EED: variants seen among roughly 807,000 people sequenced by gnomAD.
EED encodes polycomb protein EED.
A neutral mutation model predicts 61.0 loss-of-function variants in EED; 9 were observed. The ratio of observed to expected loss-of-function variants is 0.15; its 90% CI spans 0.09 to 0.26. The LOEUF (loss-of-function observed/expected upper bound fraction) is 0.26, where lower values mean the gene tolerates loss of function less well. Ranked by LOEUF, EED falls within the 10% of genes least tolerant of loss-of-function variation. The probability of loss-of-function intolerance (pLI) is 1.00; values close to 1 mark genes in which losing one functional copy is unlikely to be tolerated. For synonymous variants in EED, 187 were observed against 174.4 expected, an observed-to-expected ratio of 1.07 and a Z score of -0.57; for missense variants, 315 against 542.3, an observed-to-expected ratio of 0.58 and a Z score of 4.16.
At position 86,278,328 on chromosome 11, in the gene EED, T is replaced by C. The variant is rs758622031; in HGVS notation, c.1200-71T>C. 1.6e-5 allele frequency: 25 copies of C among 1,536,806 alleles called. No individual in the cohort carries two copies. The South Asian group carries it at 3.2e-4, about 19-fold the overall frequency. On this transcript the variant is annotated intron_variant, in intron 11 of 11. Transcript: ENST00000263360. Reference sequence around the variant, plus strand: ...CTTGGAACATCTGCTTATTTTCTAATCCGCTGTTTTAGGGTAGACACTGAC... The same window carrying C: ...CTTGGAACATCTGCTTATTTTCTAACCCGCTGTTTTAGGGTAGACACTGAC...
chr11:86,266,245 G>T, intron 8 of EED, 29 bp downstream of exon 8: 2 of 1,550,668 alleles, frequency 1.3e-6, no homozygotes, highest in Non-Finnish European at 1.8e-6. Context: ...GAAACAATTT[G>T]CTATGTTGTG....
At chr11:86,268,757 A>G (rs1025281133) in intron 9 of EED, among the ~76,000 whole-genome samples, 196 bp downstream of exon 9, 2 of 152,158 alleles carry the variant, frequency 1.3e-5, no homozygotes, top group Non-Finnish European at 2.9e-5. Context: ...TAAGAATAAA[A>G]CATGCCATTG....
Position 86,268,483 on chromosome 11 carries a change from T to A in EED, c.888T>A (p.Phe296Leu), listed in dbSNP as rs770152825. 1 of 1,604,096 alleles carries A rather than the reference T, an allele frequency of 6.2e-7. No individual in the cohort carries two copies. Among genetic ancestry groups the A allele is most frequent in the Admixed American group, 1.7e-5 (1 of 58,530 alleles). Residue 296 changes from phenylalanine (F) to leucine (L), a missense_variant, in exon 9 of 12, where the codon TTT becomes TTA. Phe to Leu is a conservative substitution (Grantham distance 22). Coordinates refer to ENST00000263360, the MANE Select transcript of EED (RefSeq NM_003797.5). ...NRPFISQKIHFPDFSTRDIHR... is the reference protein window; with the variant it reads ...NRPFISQKIHLPDFSTRDIHR... ...CATTTATTTCTCAGAAAATCCATTT[T>A]CCTGATTTTTCTACCAGAGACATAC...
chr11:86,276,208 T>C (rs1946225429), intron 9 of EED: 1 of 152,226 alleles, frequency 6.6e-6, no homozygotes. Flanking sequence ...ACCTAGACAG[T>C]AATATGAATA....
downstream of EED, among the ~76,000 whole-genome samples, chr11:86,283,397 G>A (rs1946345178): frequency 6.6e-6 from 1 of 152,006 alleles, no homozygotes; most frequent in African/African-American, 2.4e-5. Context: ...TCCTTGTTTT[G>A]TTACTCTCCA....
intron 3 of EED, among the ~76,000 whole-genome samples, chr11:86,252,594 A>AT (rs900721772): frequency 3.4e-5 from 5 of 149,252 alleles, no homozygotes; most frequent in African/African-American, 1.2e-4. Flanking sequence ...ACTGGCTGTG[A>AT]TTTTTTTAAA....
intron 1 of EED, among the ~76,000 whole-genome samples, chr11:86,249,590 C>T (rs1168281315): frequency 1.3e-5 from 2 of 152,106 alleles, no homozygotes; most frequent in African/African-American, 4.8e-5. Context: ...TCAAGGTTTC[C>T]TGCAGTCATT....
chr11:86,263,035 T>A (rs949062409), intron 6 of EED, among the ~76,000 whole-genome samples: 2 of 152,182 alleles, frequency 1.3e-5, no homozygotes, highest in Non-Finnish European at 2.9e-5. Flanking sequence ...CTTGAATTCC[T>A]GGCCTCAAGT....
intron 4 of EED, among the ~76,000 whole-genome samples, chr11:86,255,950 T>C (rs562186120): frequency 2.6e-5 from 4 of 152,328 alleles, no homozygotes; most frequent in African/African-American, 7.2e-5. Context: ...TGTTGTTGTA[T>C]TGAGACTGTC....
At chr11:86,257,794 C>T (rs564471045) in intron 6 of EED, among the ~76,000 whole-genome samples, 198 bp downstream of exon 6, 5 of 152,336 alleles carry the variant, frequency 3.3e-5, no homozygotes, top group African/African-American at 9.6e-5. Context: ...ACAGAAAATA[C>T]TGGCAGTAAG....
In EED at chr11:86,277,174, C is replaced by G. The variant is rs375837407; in HGVS notation, c.1125+36C>G. 2.0e-6 allele frequency: 3 copies of G among 1,513,188 alleles called. No homozygotes were observed. In the African/African-American group the frequency reaches 4.1e-5, roughly 21 times the overall value. 93.7% of individuals were successfully genotyped at this position (1,513,188 alleles called of 1,614,324 possible). A position where few individuals can be genotyped will look rare whatever the true frequency, so the allele number is the denominator to read the frequency against. ...ACTTTTACATTTTGAAATGATCTGA[C>G]TTATGAAAGACCATTGTAATTCTAG... On this transcript the variant is annotated intron_variant, in intron 10 of 11. Transcript: ENST00000263360.
intron 9 of EED, among the ~76,000 whole-genome samples, chr11:86,271,535 T>C (rs193235866): frequency 5.9e-5 from 9 of 152,328 alleles, no homozygotes; most frequent in African/African-American, 2.2e-4. Context: ...TTCAGTCCTG[T>C]GTTGAATAGC....
chr11:86,268,961 G>A (rs1946048321), intron 9 of EED, among the ~76,000 whole-genome samples: 1 of 152,090 alleles, frequency 6.6e-6, no homozygotes, highest in South Asian at 2.1e-4. Context: ...CTTATGGGCT[G>A]TAGTTTGCCA....
At chr11:86,270,325 C>T (rs1242773352) in intron 9 of EED, among the ~76,000 whole-genome samples, 1 of 142,528 alleles carries the variant, frequency 7.0e-6, no homozygotes, top group Non-Finnish European at 1.5e-5. Flanking sequence ...ATCTTTTGCT[C>T]ATTTTCTAAT....
At chr11:86,280,380 CAT>C (rs548373738), downstream of EED, among the ~76,000 whole-genome samples, 2 of 152,184 alleles carry the variant, frequency 1.3e-5, no homozygotes, top group African/African-American at 4.8e-5. Flanking sequence ...TTATCAGCCA[CAT>C]GTTTATACTC....
rs1945638604 is a variant in EED at position 86,255,210 on chromosome 11, T to C, written c.361-12T>C. On this transcript the variant is annotated splice_polypyrimidine_tract_variant and intron_variant, in intron 3 of 11. Transcript: ENST00000263360. ...CTTGAGATGAAATTTACTGTATTTT[T>C]ATTTTCATTAGGTTACCTTGTATGA... is the stretch of plus-strand genomic sequence containing the variant. The C allele has an allele frequency of 1.3e-6, 2 of 1,595,180 alleles. No homozygotes were observed. The highest frequency in any genetic ancestry group is 2.7e-5 in the African/African-American group (2 of 74,536).
At chr11:86,262,486 G>T (rs990133339) in intron 6 of EED, among the ~76,000 whole-genome samples, 1 of 152,030 alleles carries the variant, frequency 6.6e-6, no homozygotes, top group African/African-American at 2.4e-5. Flanking sequence ...TTTGAGGCAA[G>T]GTCTCATTCT....
intron 9 of EED, chr11:86,275,990 A>G (rs185940091): frequency 6.6e-6 from 1 of 152,198 alleles, no homozygotes; most frequent in African/African-American, 2.4e-5. Context: ...ACCTGTCACT[A>G]TATTATGTAG....
rs990336114 is a variant in EED at position 86,244,931 on chromosome 11, C to G, written c.-299C>G. The G allele has an allele frequency of 2.7e-6, 1 of 367,018 alleles. No homozygotes were observed. Among genetic ancestry groups the G allele is most frequent in the African/African-American group, 2.1e-5 (1 of 46,690 alleles). The allele number at this position is 367,018 out of a possible 1,614,324, so 22.7% of individuals were successfully genotyped here. A position where few individuals can be genotyped will look rare whatever the true frequency, so the allele number is the denominator to read the frequency against. ...AATACTGCCCTCTTAATCCAACGGA[C>G]CTTACATCGTGTAGACTGCCGGGAG... is the stretch of plus-strand genomic sequence containing the variant. On this transcript the variant is annotated 5_prime_UTR_variant, in exon 1 of 12. Coordinates refer to ENST00000263360, the MANE Select transcript of EED (RefSeq NM_003797.5).
Sources: allele counts gnomAD v4.1 joint callset (sites outside exome capture counted in the v4.1 genomes callset), GRCh38; gene constraint gnomAD v4.1.1; transcripts MANE v1.5; gene names NCBI Gene and HGNC (gene_info 2026-07-23, HGNC 2026-07-21).